The following C1QL1 variants were observed in gnomAD, a reference collection of about 807,000 sequenced individuals.
C1QL1 encodes complement C1q like 1.
In C1QL1, 15 loss-of-function variants were observed where a neutral mutation model predicts 14.2. The observed-to-expected ratio is 1.06, with a 90% CI of 0.71 to 1.62. The LOEUF is 1.62. Ranked by LOEUF, C1QL1 falls within the 40% of genes most tolerant of loss-of-function variation. C1QL1 has a pLI of 0.00. For missense variants in C1QL1, 346 were observed against 380.3 expected (o/e 0.91, Z 0.75); for synonymous variants, 172 against 172.4 (o/e 1.00, Z 0.02).
At position 44,960,265 on chromosome 17, in the gene C1QL1, G is replaced by A. The variant is rs149937248; in HGVS notation, c.700C>T (p.Leu234=). 24 of 1,614,056 alleles carry A rather than the reference G, an allele frequency of 1.5e-5. No individual in the cohort carries two copies. The African/African-American group carries it at 2.9e-4, about 20-fold the overall frequency. ...LDAGDEVFIK[L]DGGKAHGGNS... is the part of the protein sequence containing the mutation. ...CCGCCGTGTGCTTTGCCTCCATCCAGCTTGATGAAGACCTCGTCGCCGGCG... is the reference window on the plus strand; with the variant it reads ...CCGCCGTGTGCTTTGCCTCCATCCAACTTGATGAAGACCTCGTCGCCGGCG... The change falls in exon 2 of 2, where the codon CTG becomes TTG. Residue 234 remains leucine, a synonymous_variant. Coordinates refer to ENST00000253407, the MANE Select transcript of C1QL1 (RefSeq NM_006688.5).
intron 1 of C1QL1, among the ~76,000 whole-genome samples, chr17:44,961,848 T>C (rs2052628697): frequency 7.4e-6 from 1 of 135,954 alleles, no homozygotes; most frequent in African/African-American, 2.8e-5. Flanking sequence ...ATTGCGCCAC[T>C]GCAGTCCGCA....
chr17:44,962,217 G>A (rs1357430282), intron 1 of C1QL1, among the ~76,000 whole-genome samples: 2 of 152,156 alleles, frequency 1.3e-5, no homozygotes, highest in Non-Finnish European at 2.9e-5. Context: ...AGCCAAATTA[G>A]GGGAGGGGCC....
In C1QL1 at chr17:44,968,185, C is replaced by T. The variant is rs2052669539; in HGVS notation, c.-137G>A. On this transcript the variant is annotated 5_prime_UTR_variant, in exon 1 of 2. Transcript: ENST00000253407. ...CGGGCTAGGCGCCCGCGCTCAAGGA[C>T]GGTCCGGCGGGGCTGCGGGCATGGG... 1 of 266,570 alleles carries T rather than the reference C, an allele frequency of 3.8e-6. No individual in the cohort carries two copies. The highest frequency in any genetic ancestry group is 2.3e-5 in the African/African-American group (1 of 43,270). 16.5% of individuals were successfully genotyped at this position (266,570 alleles called of 1,614,324 possible). A position where few individuals can be genotyped will look rare whatever the true frequency, so the allele number is the denominator to read the frequency against.
At chr17:44,964,853 T>TTTTC (rs1567809586) in intron 1 of C1QL1, among the ~76,000 whole-genome samples, 2 of 77,076 alleles carry the variant, frequency 2.6e-5, no homozygotes, top group South Asian at 3.5e-4. Context: ...CTTTTCTTTT[T>TTTTC]TTTTTGAGAC....
intron 1 of C1QL1, among the ~76,000 whole-genome samples, chr17:44,961,158 C>A (rs898381102): frequency 2.0e-5 from 3 of 152,218 alleles, no homozygotes; most frequent in African/African-American, 7.2e-5. Context: ...CTCTGGGATT[C>A]TCAGTCTGAT....
At position 44,961,436 on chromosome 17, in the gene C1QL1, A is replaced by C. The variant is rs564265043; in HGVS notation, c.598-1069T>G. 1.6e-4 allele frequency among the ~76,000 whole-genome samples: 25 copies of C among 152,050 alleles called. No individual in the cohort carries two copies. The South Asian group carries it at 4.4e-3, about 27-fold the overall frequency. ...GGTGAGACCCCCATCTCTACTAAAA[A>C]TACAAAAATTAGCTAGGCATAGTGG... On this transcript the variant is annotated intron_variant, in intron 1 of 1. Coordinates refer to ENST00000253407, the MANE Select transcript of C1QL1 (RefSeq NM_006688.5).
At chr17:44,960,885 C>A (rs1362879375) in intron 1 of C1QL1, among the ~76,000 whole-genome samples, 1 of 152,246 alleles carries the variant, frequency 6.6e-6, no homozygotes, top group African/African-American at 2.4e-5. Context: ...TGCCAGGCTG[C>A]CAGTCAGCAA....
chr17:44,960,949 C>G (rs891918720), intron 1 of C1QL1, among the ~76,000 whole-genome samples: 2 of 152,238 alleles, frequency 1.3e-5, no homozygotes, highest in South Asian at 2.1e-4. Context: ...CAGAGTCTCT[C>G]CTGCTGCAGC....
chr17:44,968,036 G>C lies in C1QL1; in HGVS notation c.13C>G (p.Leu5Val). ...ACCAGCACGGGGATGAGCACCACCA[G>C]CACCAGCAGCATCACCACACCCGCG... MLLV[L>V]VVLIPVLVSS... is the part of the protein sequence containing the mutation. Residue 5 changes from leucine to valine, a missense_variant, in exon 1 of 2, where the codon CTG (leucine) becomes GTG (valine). Transcript: ENST00000253407. The C allele has an allele frequency of 7.4e-7, 1 of 1,349,090 alleles. No individual in the cohort carries two copies. Among genetic ancestry groups the C allele is most frequent in the Non-Finnish European group, 9.5e-7 (1 of 1,048,542 alleles). The allele number at this position is 1,349,090 out of a possible 1,614,324, so 83.6% of individuals were successfully genotyped here.
At position 44,961,910 on chromosome 17, in the gene C1QL1, A is replaced by AAGAGAG. The variant is rs1279714342; in HGVS notation, c.598-1549_598-1544dup. On this transcript the variant is annotated intron_variant, in intron 1 of 1. Transcript: ENST00000253407. ...TCCGTCTCAAAAAAAAAAAAAAAAA[A>AAGAGAG]AGAGAGAGAGAGAGAGAGAGAGAGA... Among the ~76,000 whole-genome samples the AAGAGAG allele has an allele frequency of 2.8e-3, 363 of 129,744 alleles. 2 individuals are homozygous for AAGAGAG. Among genetic ancestry groups the AAGAGAG allele is most frequent in the African/African-American group, 0.01 (319 of 31,436 alleles). 85.1% of individuals were successfully genotyped at this position (129,744 alleles called of 152,430 possible). A position where few individuals can be genotyped will look rare whatever the true frequency, so the allele number is the denominator to read the frequency against.
chr17:44,965,247 C>T (rs933962142), intron 1 of C1QL1, among the ~76,000 whole-genome samples: 4 of 152,146 alleles, frequency 2.6e-5, no homozygotes, highest in African/African-American at 7.2e-5. Flanking sequence ...CTCCTGACCT[C>T]ATGATCCACT....
intron 1 of C1QL1, 60 bp from the exon 2 acceptor site, chr17:44,960,427 G>A: frequency 1.6e-6 from 2 of 1,270,126 alleles, no homozygotes; most frequent in Non-Finnish European, 2.3e-6. Flanking sequence ...AAGGGAGGGA[G>A]GTGAGGCAGT....
rs1286808532 is a variant in C1QL1, at chr17:44,959,928, T to C, written c.*260A>G. ...AGGTGGGCAGTAAACAGTCCTATTGTACAAATATATAGCGCGGGCTGGGCG... is the reference window on the plus strand; with the variant it reads ...AGGTGGGCAGTAAACAGTCCTATTGCACAAATATATAGCGCGGGCTGGGCG... On this transcript the variant is annotated 3_prime_UTR_variant, in exon 2 of 2. Coordinates refer to ENST00000253407, the MANE Select transcript of C1QL1 (RefSeq NM_006688.5). 2.1e-6 allele frequency: 1 copy of C among 485,186 alleles called. No individual in the cohort carries two copies. The highest frequency in any genetic ancestry group is 3.8e-5 in the Admixed American group (1 of 26,430). 30.1% of individuals were successfully genotyped at this position (485,186 alleles called of 1,614,324 possible).
At chr17:44,960,870 A>G (rs1400943966) in intron 1 of C1QL1, among the ~76,000 whole-genome samples, 3 of 152,200 alleles carry the variant, frequency 2.0e-5, no homozygotes, top group Admixed American at 2.0e-4. Context: ...AGGCAGCTGG[A>G]CCAATGCCAG....
In C1QL1 at chr17:44,960,375, TG is replaced by T; in HGVS notation, c.598-9del. On this transcript the variant is annotated splice_polypyrimidine_tract_variant and intron_variant, in intron 1 of 1. Transcript: ENST00000253407. ...AATAGCACTGGCCCGCACCTGCGGG[TG>T]GGGGACACGGGAGGGAGGGCGAGAG... The T allele has an allele frequency of 6.2e-7, 1 of 1,608,320 alleles. No homozygotes were observed. The highest frequency in any genetic ancestry group is 8.5e-7 in the Non-Finnish European group (1 of 1,176,596).
chr17:44,962,668 T>C, intron 1 of C1QL1, among the ~76,000 whole-genome samples: 1 of 152,248 alleles, frequency 6.6e-6, no homozygotes, highest in East Asian at 1.9e-4. Context: ...ATCCTGGTAA[T>C]ATTTATTATT....
intron 1 of C1QL1, among the ~76,000 whole-genome samples, chr17:44,962,350 T>A (rs3024293): frequency 0.31 from 47,777 of 152,090 alleles, 8,264 homozygotes; most frequent in East Asian, 0.47. Context: ...TTTAAAGCCC[T>A]TCTCCAGCCC....
Position 44,967,204 on chromosome 17 carries a change from A to G in C1QL1, c.597+248T>C, listed in dbSNP as rs1251079859. Among the ~76,000 whole-genome samples, 1 of 152,186 alleles carries G rather than the reference A, an allele frequency of 6.6e-6. No homozygotes were observed. The highest frequency in any genetic ancestry group is 1.5e-5 in the Non-Finnish European group (1 of 68,026). ...CTGACTAGTTGGGTTCATTTCCCGC[A>G]TTTCCAGTAGCGTTCCAGACGGTGC... On this transcript the variant is annotated intron_variant, in intron 1 of 1. Coordinates refer to ENST00000253407, the MANE Select transcript of C1QL1 (RefSeq NM_006688.5). This position sits in a 1 kb window ranked among gnomAD's most constrained non-coding sequence, Gnocchi z 7.0.
chr17:44,967,202 G>C lies in C1QL1; in HGVS notation c.597+250C>G, dbSNP rs1208424208. Reference sequence around the variant, plus strand: ...CTCTGACTAGTTGGGTTCATTTCCCGCATTTCCAGTAGCGTTCCAGACGGT... The same window carrying C: ...CTCTGACTAGTTGGGTTCATTTCCCCCATTTCCAGTAGCGTTCCAGACGGT... On this transcript the variant is annotated intron_variant, in intron 1 of 1. Coordinates refer to ENST00000253407, the MANE Select transcript of C1QL1 (RefSeq NM_006688.5). The surrounding 1 kb of genome is among the most constrained non-coding windows in gnomAD (Gnocchi z 7.0). Among the ~76,000 whole-genome samples, 1 of 152,238 alleles carries C rather than the reference G, an allele frequency of 6.6e-6. No individual in the cohort carries two copies. The highest frequency in any genetic ancestry group is 1.5e-5 in the Non-Finnish European group (1 of 68,038).
Sources: gnomAD v4.1 joint callset for allele counts (sites outside exome capture counted in the v4.1 genomes callset) on GRCh38, gnomAD v4.1.1 for gene constraint, Gnocchi (gnomAD v3.1) non-coding constraint, MANE v1.5 for transcripts, NCBI Gene and HGNC (gene_info 2026-07-23, HGNC 2026-07-21) for gene names.